ZNF827: variants seen among roughly 807,000 people sequenced by gnomAD.
ZNF827 encodes zinc finger protein 827.
ZNF827 carries 13 observed loss-of-function variants against 102.4 expected under a neutral mutation model. That is an observed-to-expected ratio of 0.13 (90% CI 0.08 to 0.20). The LOEUF is 0.20. Ranked by LOEUF, ZNF827 falls within the 10% of genes least tolerant of loss-of-function variation. The pLI is 1.00. For missense variants in ZNF827, 1,103 were observed against 1,344.4 expected (o/e 0.82, Z 2.81); for synonymous variants, 523 against 536.2 (o/e 0.98, Z 0.34).
At chr4:145,812,810 G>A (rs1329504483) in intron 8 of ZNF827, among the ~76,000 whole-genome samples, 2 of 152,188 alleles carry the variant, frequency 1.3e-5, no homozygotes, top group African/African-American at 2.4e-5. Context: ...TTACAGGTGT[G>A]AGCCACCACG....
At chr4:145,862,549 C>A (rs1303421075) in intron 5 of ZNF827, among the ~76,000 whole-genome samples, 1 of 152,052 alleles carries the variant, frequency 6.6e-6, no homozygotes, top group Non-Finnish European at 1.5e-5. Flanking sequence ...AAATTGCTCA[C>A]GGTGTGTATG....
At chr4:145,870,774 G>C (rs1054122487) in intron 4 of ZNF827, 1 of 286,370 alleles carries the variant, frequency 3.5e-6, no homozygotes, top group South Asian at 6.6e-5. Context: ...CTTGTTTCCT[G>C]TGTATGCCAC....
chr4:145,844,677 CAAAT>C (rs72118300), intron 7 of ZNF827, among the ~76,000 whole-genome samples: 49,230 of 127,926 alleles, frequency 0.38, 9,840 homozygotes, highest in Non-Finnish European at 0.44. Flanking sequence ...GAGACTGTCT[CAAAT>C]AAATAAATAA....
chr4:145,769,032 A>G (rs894230489), intron 11 of ZNF827, among the ~76,000 whole-genome samples: 6 of 150,228 alleles, frequency 4.0e-5, no homozygotes, highest in Non-Finnish European at 5.9e-5. Context: ...TAGAGTGACC[A>G]TATTTTTAAA....
intron 5 of ZNF827, among the ~76,000 whole-genome samples, chr4:145,867,945 T>A (rs1748347558): frequency 6.6e-6 from 1 of 152,218 alleles, no homozygotes; most frequent in Non-Finnish European, 1.5e-5. Context: ...TACTTGGATG[T>A]CTTTTAGGGC....
intron 1 of ZNF827, among the ~76,000 whole-genome samples, chr4:145,937,684 C>T (rs1484176160): frequency 6.9e-6 from 1 of 145,044 alleles, no homozygotes; most frequent in Non-Finnish European, 1.5e-5. Flanking sequence ...CCCGCCTCGC[C>T]CGCCCCCGAC....
At chr4:145,924,356 C>T (rs1477596661) in intron 1 of ZNF827, among the ~76,000 whole-genome samples, 3 of 152,168 alleles carry the variant, frequency 2.0e-5, no homozygotes, top group African/African-American at 4.8e-5. Context: ...TGTTTGTTGT[C>T]ACTATGCTTT....
At chr4:145,829,145 G>C (rs1033664454) in intron 7 of ZNF827, among the ~76,000 whole-genome samples, 2 of 144,842 alleles carry the variant, frequency 1.4e-5, no homozygotes, top group East Asian at 3.9e-4. Flanking sequence ...AGGAGCAATA[G>C]AGAAGAAACA....
intron 1 of ZNF827, among the ~76,000 whole-genome samples, chr4:145,936,708 C>T (rs1424345133): frequency 6.6e-6 from 1 of 152,114 alleles, no homozygotes; most frequent in Non-Finnish European, 1.5e-5. Context: ...TGCCTGTCTG[C>T]AGCGGAAAAG....
intron 7 of ZNF827, among the ~76,000 whole-genome samples, chr4:145,838,814 C>T (rs1299880058): frequency 6.6e-6 from 1 of 152,166 alleles, no homozygotes; most frequent in African/African-American, 2.4e-5. Context: ...AATACATTTT[C>T]TTTATGTGCT....
chr4:145,801,432 C>T (rs545035275), intron 8 of ZNF827, among the ~76,000 whole-genome samples: 125 of 152,314 alleles, frequency 8.2e-4, no homozygotes, highest in African/African-American at 2.9e-3. Context: ...AGCACTGAAT[C>T]TGTTTTGACG....
At chr4:145,779,547 G>T in intron 8 of ZNF827, 36 bp from the exon 9 acceptor site, 1 of 1,603,520 alleles carries the variant, frequency 6.2e-7, no homozygotes, top group East Asian at 2.3e-5. Context: ...GAGAAATAAG[G>T]CAACAAGAAT....
At chr4:145,814,212 T>G (rs1262159595) in intron 8 of ZNF827, among the ~76,000 whole-genome samples, 2 of 152,214 alleles carry the variant, frequency 1.3e-5, no homozygotes, top group Non-Finnish European at 2.9e-5. Context: ...TCTGAAATAC[T>G]CTTCTGATCC....
At chr4:145,886,294 G>A in intron 3 of ZNF827, 136 bp from the exon 4 acceptor site, 7 of 1,370,804 alleles carry the variant, frequency 5.1e-6, no homozygotes, top group Non-Finnish European at 6.7e-6. Flanking sequence ...ATTTCACTAT[G>A]GGGCTCCAGG....
chr4:145,862,811 A>C (rs1241776921), intron 5 of ZNF827, among the ~76,000 whole-genome samples: 2 of 152,236 alleles, frequency 1.3e-5, no homozygotes, highest in African/African-American at 2.4e-5. Flanking sequence ...TTAATATTAA[A>C]CAAGTCTGCA....
At chr4:145,932,105 G>A (rs897367850) in intron 1 of ZNF827, among the ~76,000 whole-genome samples, 4 of 152,186 alleles carry the variant, frequency 2.6e-5, no homozygotes, top group Admixed American at 1.3e-4. Context: ...TTGAAGCAGA[G>A]ATTGAGCCCT....
rs934606215 is a variant in ZNF827 at position 145,763,372 on chromosome 4, G to GAAACA, written c.3231-255_3231-251dup. 4.6e-5 allele frequency among the ~76,000 whole-genome samples: 7 copies of GAAACA among 152,148 alleles called. No homozygotes were observed. The highest frequency in any genetic ancestry group is 8.8e-5 in the Non-Finnish European group (6 of 68,032). On this transcript the variant is annotated intron_variant, in intron 13 of 14. Coordinates refer to ENST00000508784, the MANE Select transcript of ZNF827 (RefSeq NM_001306215.2). This position sits in a 1 kb window ranked among gnomAD's most constrained non-coding sequence, Gnocchi z 4.6. ...AAATTAATTCTCTGATATGGCAAAG[G>GAAACA]AAACAAAACAAAACAAAACAAAGAC...
chr4:145,780,386 C>T (rs1737792283), intron 8 of ZNF827, among the ~76,000 whole-genome samples: 1 of 152,164 alleles, frequency 6.6e-6, no homozygotes, highest in Non-Finnish European at 1.5e-5. Flanking sequence ...TGATAACTAC[C>T]ACACGCTGTG....
chr4:145,855,674 C>T (rs1381173910), intron 5 of ZNF827, among the ~76,000 whole-genome samples: 10 of 152,228 alleles, frequency 6.6e-5, no homozygotes, highest in Non-Finnish European at 8.8e-5. Context: ...AGCCCCAGAT[C>T]TACTGGAGTG....
Sources: gnomAD v4.1 joint callset for allele counts (sites outside exome capture counted in the v4.1 genomes callset) on GRCh38, gnomAD v4.1.1 for gene constraint, Gnocchi (gnomAD v3.1) non-coding constraint, MANE v1.5 for transcripts, NCBI Gene and HGNC (gene_info 2026-07-23, HGNC 2026-07-21) for gene names.